Variants in IPO7 observed in about 807,000 individuals in gnomAD.
The protein encoded by IPO7 is importin-7.
A neutral mutation model predicts 136.4 loss-of-function variants in IPO7; 13 were observed. The observed-to-expected ratio is 0.10, with a 90% CI of 0.06 to 0.15. The LOEUF is 0.15. IPO7 is among the 10% of genes least tolerant of loss of function. IPO7 has a pLI of 1.00. For missense variants in IPO7, 857 were observed against 1,240.6 expected, an observed-to-expected ratio of 0.69 and a Z score of 4.65; for synonymous variants, 403 against 404.4, an observed-to-expected ratio of 1.00 and a Z score of 0.04.
At position 9,410,039 on chromosome 11, in the gene IPO7, T is replaced by C; in HGVS notation, c.432T>C (p.Cys144=). The change falls in exon 4 of 25, where the codon TGT becomes TGC. Residue 144 remains cysteine, a synonymous_variant. Transcript: ENST00000379719. ...ATCTTCAGTCCGATAACAGTGCTTGTTGGCTAGGAATTCTTCTTTGCCTTT... is the reference window on the plus strand; with the variant it reads ...ATCTTCAGTCCGATAACAGTGCTTGCTGGCTAGGAATTCTTCTTTGCCTTT... ...GFYLQSDNSA[C]WLGILLCLYQ... is the part of the protein sequence containing the mutation. 1 of 1,604,700 alleles carries C rather than the reference T, an allele frequency of 6.2e-7. No homozygotes were observed. The highest frequency in any genetic ancestry group is 1.3e-5 in the African/African-American group (1 of 74,396).
Position 9,423,785 on chromosome 11 carries a change from C to T in IPO7, c.1050C>T (p.Ile350=). ...KNLKPHIQGI[I]QDVIFPLMCY... is the part of the protein sequence containing the mutation. ...TAACTTTTAAATTGCAGGGCATTAT[C>T]CAAGATGTTATTTTTCCATTGATGT... The change falls in exon 10 of 25, where the codon ATC becomes ATT. Residue 350 remains isoleucine, a synonymous_variant. Coordinates refer to ENST00000379719, the MANE Select transcript of IPO7 (RefSeq NM_006391.3). 6.3e-7 allele frequency: 1 copy of T among 1,583,162 alleles called. No homozygotes were observed. Among genetic ancestry groups the T allele is most frequent in the Non-Finnish European group, 8.6e-7 (1 of 1,161,982 alleles).
Position 9,432,646 on chromosome 11 carries a change from A to T in IPO7, c.1882-924A>T, listed in dbSNP as rs937719945. ...ATTAAGTTCTGTATATTTGAAATGG[A>T]TGTCTTGCTTTTATATCTGATTAGT... On this transcript the variant is annotated intron_variant, in intron 16 of 24. Coordinates refer to ENST00000379719, the MANE Select transcript of IPO7 (RefSeq NM_006391.3). 2.0e-5 allele frequency among the ~76,000 whole-genome samples: 3 copies of T among 152,118 alleles called. No individual in the cohort carries two copies. The South Asian group carries it at 6.2e-4, about 31-fold the overall frequency.
intron 1 of IPO7, among the ~76,000 whole-genome samples, chr11:9,397,476 C>T (rs1168347279): frequency 6.7e-6 from 1 of 149,640 alleles, no homozygotes; most frequent in Non-Finnish European, 1.5e-5. Context: ...GGTGATCCTC[C>T]TGCATCAGCC....
intron 6 of IPO7, among the ~76,000 whole-genome samples, chr11:9,418,339 G>T (rs989778277): frequency 3.3e-5 from 5 of 152,136 alleles, no homozygotes; most frequent in Non-Finnish European, 5.9e-5. Flanking sequence ...AAAGTGCTGG[G>T]ATTACAGGTG....
intron 1 of IPO7, among the ~76,000 whole-genome samples, chr11:9,397,342 ATATATATATAT>A (rs1854727952): frequency 6.9e-5 from 1 of 14,534 alleles, no homozygotes; most frequent in African/African-American, 2.8e-4. Flanking sequence ...TTAAAAAAAA[ATATATATATAT>A]ATATATATAT....
At chr11:9,401,187 A>G (rs941115322) in intron 1 of IPO7, among the ~76,000 whole-genome samples, 1 of 152,158 alleles carries the variant, frequency 6.6e-6, no homozygotes, top group African/African-American at 2.4e-5. Flanking sequence ...GTCTCAAAAA[A>G]AAAAAAAGAA....
intron 2 of IPO7, among the ~76,000 whole-genome samples, chr11:9,406,104 C>CG (rs749091662): frequency 1.6e-5 from 1 of 61,816 alleles, no homozygotes; most frequent in African/African-American, 7.6e-5. Flanking sequence ...TGAGGCTGGT[C>CG]TTTTTTTTTT....
chr11:9,401,122 C>T (rs552461955), intron 1 of IPO7, among the ~76,000 whole-genome samples: 1 of 150,932 alleles, frequency 6.6e-6, no homozygotes, highest in Non-Finnish European at 1.5e-5. Flanking sequence ...TGGAGGTTGC[C>T]GTGAGCCAAG....
chr11:9,417,122 A>G lies in IPO7; in HGVS notation c.700A>G (p.Thr234Ala). The G allele has an allele frequency of 6.5e-7, 1 of 1,540,724 alleles. No individual in the cohort carries two copies. The highest frequency in any genetic ancestry group is 9.0e-7 in the Non-Finnish European group (1 of 1,115,218). The change falls in exon 6 of 25, where the codon ACT becomes GCT. Residue 234 changes from threonine to alanine, a missense_variant. Coordinates refer to ENST00000379719, the MANE Select transcript of IPO7 (RefSeq NM_006391.3). Reference protein sequence around the residue: ...NLTEWIEILKTVVNRDVPNET... With the variant: ...NLTEWIEILKAVVNRDVPNET... ...GACAGAATGGATAGAAATTTTAAAG[A>G]CTGTTGTGAACAGGGATGTACCTAA...
intron 18 of IPO7, 75 bp from the exon 19 acceptor site, chr11:9,434,859 T>A (rs750449994): frequency 3.2e-5 from 33 of 1,033,776 alleles, no homozygotes; most frequent in Non-Finnish European, 4.8e-5. Context: ...TGCCTTTTTC[T>A]AAGGAAATTT....
chr11:9,428,642 G>C lies in IPO7; in HGVS notation c.1425+13G>C. On this transcript the variant is annotated intron_variant, in intron 13 of 24. Transcript: ENST00000379719. ...CATGAGAGCAAGGGTATGTTTTAAAGCTGCATTATTTATATACTTTTGTCT... is the reference window on the plus strand; with the variant it reads ...CATGAGAGCAAGGGTATGTTTTAAACCTGCATTATTTATATACTTTTGTCT... 2.2e-6 allele frequency: 3 copies of C among 1,392,452 alleles called. No individual in the cohort carries two copies. Among genetic ancestry groups the C allele is most frequent in the Non-Finnish European group, 3.0e-6 (3 of 984,694 alleles). The allele number at this position is 1,392,452 out of a possible 1,614,324, so 86.3% of individuals were successfully genotyped here.
chr11:9,402,399 C>CAAAAAAAAAAAA (rs71062846), intron 1 of IPO7, among the ~76,000 whole-genome samples: 10 of 44,858 alleles, frequency 2.2e-4, no homozygotes, highest in African/African-American at 1.1e-3. Flanking sequence ...GACTGTGTCT[C>CAAAAAAAAAAAA]AAAAAAAAAA....
At chr11:9,406,544 G>A (rs1854890829) in intron 2 of IPO7, among the ~76,000 whole-genome samples, 1 of 151,944 alleles carries the variant, frequency 6.6e-6, no homozygotes, top group Admixed American at 6.6e-5. Flanking sequence ...TATGGAATTG[G>A]TCAAAAAATT....
At chr11:9,390,180 C>T (rs1400852605) in intron 1 of IPO7, among the ~76,000 whole-genome samples, 7 of 152,160 alleles carry the variant, frequency 4.6e-5, no homozygotes, top group Admixed American at 1.3e-4. Context: ...CCTGAGCCAC[C>T]GTGCCCGGCC....
intron 19 of IPO7, among the ~76,000 whole-genome samples, chr11:9,435,762 C>G (rs528922736): frequency 3.9e-5 from 6 of 152,234 alleles, no homozygotes; most frequent in Admixed American, 6.5e-5. Flanking sequence ...ATGTTCATTT[C>G]TTGTCTGGAG....
intron 5 of IPO7, among the ~76,000 whole-genome samples, chr11:9,415,254 G>A (rs12801513): frequency 0.45 from 68,748 of 151,380 alleles, 17,626 homozygotes; most frequent in Non-Finnish European, 0.58. Context: ...CCTGCGAGGC[G>A]GAGGTTGTGG....
chr11:9,438,182 T>A lies in IPO7; in HGVS notation c.2592T>A (p.Ala864=). The change falls in exon 22 of 25, where the codon GCT becomes GCA. Residue 864 remains alanine (A), a synonymous_variant. Transcript: ENST00000379719. The part of the protein sequence containing the change: ...LNQVSGQILP[A]FILLFNGLKR... ...AGGTTTCTGGACAGATTTTGCCGGCTTTTATCCTTTTATTTAACGGATTGA... is the reference window on the plus strand; with the variant it reads ...AGGTTTCTGGACAGATTTTGCCGGCATTTATCCTTTTATTTAACGGATTGA... 1 of 1,613,440 alleles carries A rather than the reference T, an allele frequency of 6.2e-7. No individual in the cohort carries two copies. The highest frequency in any genetic ancestry group is 8.5e-7 in the Non-Finnish European group (1 of 1,179,960).
At chr11:9,418,111 C>T (rs1228174709) in intron 6 of IPO7, among the ~76,000 whole-genome samples, 8 of 151,556 alleles carry the variant, frequency 5.3e-5, no homozygotes, top group African/African-American at 1.5e-4. Flanking sequence ...CACTCTGTCG[C>T]CCAGGCTGGA....
intron 24 of IPO7, among the ~76,000 whole-genome samples, chr11:9,442,928 C>T (rs1479439420): frequency 1.3e-5 from 2 of 152,020 alleles, no homozygotes; most frequent in Non-Finnish European, 2.9e-5. Flanking sequence ...GAGGCTGAGG[C>T]AGGAAAATTG....
Sources: allele counts gnomAD v4.1 joint callset (sites outside exome capture counted in the v4.1 genomes callset), GRCh38; gene constraint gnomAD v4.1.1; transcripts MANE v1.5; gene names NCBI Gene and HGNC (gene_info 2026-07-23, HGNC 2026-07-21).